The following KCNAB2 variants were observed in gnomAD, a reference collection of about 807,000 sequenced individuals.
KCNAB2 encodes the protein potassium voltage-gated channel subfamily A regulatory beta subunit 2.
Under a neutral mutation model 63.6 loss-of-function variants are expected in KCNAB2, and 29 were observed. That is an observed-to-expected ratio of 0.46 (90% confidence interval 0.34 to 0.62). The LOEUF is 0.62. Ranked by LOEUF, KCNAB2 falls within the 20% of genes least tolerant of loss-of-function variation. The pLI is 0.01. For synonymous variants in KCNAB2, 222 were observed against 224.2 expected (o/e 0.99, Z 0.09); for missense variants, 359 against 563.9 (o/e 0.64, Z 3.68).
chr1:6,001,050 G>T (rs146842003), intron 1 of KCNAB2, among the ~76,000 whole-genome samples: 2 of 152,302 alleles, frequency 1.3e-5, no homozygotes, highest in Admixed American at 6.5e-5. Context: ...GTCCAAAGGC[G>T]CAGAGACAGC....
chr1:6,020,070 G>A (rs118113516), intron 1 of KCNAB2, among the ~76,000 whole-genome samples: 325 of 152,246 alleles, frequency 2.1e-3, no homozygotes, highest in East Asian at 0.01. Context: ...TGCATCCCCC[G>A]GAGCCCTGTA....
At chr1:6,097,519 G>A (rs1235951562) in intron 15 of KCNAB2, 162 bp downstream of exon 15, 1 of 1,290,428 alleles carries the variant, frequency 7.7e-7, no homozygotes, top group Non-Finnish European at 1.1e-6. Flanking sequence ...CTTTCCAGCA[G>A]GAACAGACAT....
chr1:6,037,868 G>C lies in KCNAB2; in HGVS notation c.-52-2649G>C, dbSNP rs1426419713. 4.7e-5 allele frequency among the ~76,000 whole-genome samples: 7 copies of C among 149,656 alleles called. No individual in the cohort carries two copies. In the South Asian group the frequency reaches 8.6e-4, roughly 18 times the overall value. Reference sequence around the variant, plus strand: ...GATCCATCGTGCCTGGCCTGAATGAGGGTCTTTTTTTTTTTTTTTTTTTTG... The same window carrying C: ...GATCCATCGTGCCTGGCCTGAATGACGGTCTTTTTTTTTTTTTTTTTTTTG... On this transcript the variant is annotated intron_variant, in intron 1 of 15. Transcript: ENST00000164247.
upstream of KCNAB2, among the ~76,000 whole-genome samples, chr1:6,030,448 C>CGTGT (rs139805306): frequency 0.1 from 15,469 of 150,238 alleles, 1,030 homozygotes; most frequent in Non-Finnish European, 0.15. Context: ...ACCCCTCCAA[C>CGTGT]GTGTGTGTGT....
upstream of KCNAB2, among the ~76,000 whole-genome samples, chr1:6,043,453 A>G (rs1243512780): frequency 6.6e-6 from 1 of 152,176 alleles, no homozygotes; most frequent in East Asian, 1.9e-4. Context: ...CTTCATTTCC[A>G]GGTGGCCTTC....
intron 1 of KCNAB2, among the ~76,000 whole-genome samples, chr1:6,040,203 G>A (rs1334740841): frequency 2.0e-5 from 3 of 152,178 alleles, no homozygotes; most frequent in African/African-American, 4.8e-5. Flanking sequence ...CTACACCTAC[G>A]GTTTCAGAAC....
upstream of KCNAB2, chr1:6,041,867 T>A: frequency 6.2e-7 from 1 of 1,613,862 alleles, no homozygotes; most frequent in Non-Finnish European, 8.5e-7. Context: ...AGCTCCAGTT[T>A]TACAGGTAAT....
chr1:6,032,762 G>T (rs185275568), upstream of KCNAB2, among the ~76,000 whole-genome samples: 3 of 152,160 alleles, frequency 2.0e-5, no homozygotes, highest in African/African-American at 7.2e-5. Context: ...CTGCCTGGAC[G>T]CATGAAAAGG....
intron 1 of KCNAB2, among the ~76,000 whole-genome samples, chr1:6,005,898 C>T (rs1657646960): frequency 6.7e-6 from 1 of 148,478 alleles, no homozygotes; most frequent in African/African-American, 2.5e-5. Context: ...ATTCCACCCT[C>T]ACCCCTCAGC....
At chr1:6,048,986 G>A (rs1306212977) in intron 1 of KCNAB2, among the ~76,000 whole-genome samples, 1 of 152,240 alleles carries the variant, frequency 6.6e-6, no homozygotes, top group Non-Finnish European at 1.5e-5. Context: ...AAGGCAGACG[G>A]CTTTCCATGC....
rs747617701 is a variant in KCNAB2 at position 6,073,716 on chromosome 1, C to T, written c.263-17C>T. 1.2e-6 allele frequency: 2 copies of T among 1,614,090 alleles called. No homozygotes were observed. Among genetic ancestry groups the T allele is most frequent in the South Asian group, 2.2e-5 (2 of 91,086 alleles). Reference sequence around the variant, plus strand: ...TCCTGCCAGGTTCCTAACTTGAGCCCCTGTGTCTCCTTCCAGGAACATGGG... The same window carrying T: ...TCCTGCCAGGTTCCTAACTTGAGCCTCTGTGTCTCCTTCCAGGAACATGGG... On this transcript the variant is annotated splice_polypyrimidine_tract_variant and intron_variant, in intron 3 of 15. Transcript: ENST00000378083. This position sits in a 1 kb window ranked among gnomAD's most constrained non-coding sequence, Gnocchi z 5.7.
intron 4 of KCNAB2, 35 bp from the exon 5 acceptor site, chr1:6,082,160 C>T (rs779509734): frequency 1.2e-5 from 19 of 1,593,590 alleles, no homozygotes; most frequent in Admixed American, 3.3e-5. Flanking sequence ...GCCCCACCCC[C>T]GGCTGGCAGG....
intron 1 of KCNAB2, among the ~76,000 whole-genome samples, chr1:5,993,458 A>G (rs1478255293): frequency 6.6e-6 from 1 of 151,894 alleles, no homozygotes; most frequent in Non-Finnish European, 1.5e-5. Context: ...CCCTACTCCT[A>G]TCTTAAGCTT....
rs141224720 is a variant in KCNAB2, at chr1:5,993,877, G to T, written c.-53+1089G>T. Reference sequence around the variant, plus strand: ...AGCTGAAGGCAGGGGTCTTGACCCTGCGGTTAGCAGGGCCACCTTAGGAAC... The same window carrying T: ...AGCTGAAGGCAGGGGTCTTGACCCTTCGGTTAGCAGGGCCACCTTAGGAAC... On this transcript the variant is annotated intron_variant, in intron 1 of 16. Transcript: ENST00000341524. Among the ~76,000 whole-genome samples the T allele has an allele frequency of 5.3e-5, 8 of 152,308 alleles. No homozygotes were observed. The East Asian group carries it at 7.7e-4, about 15-fold the overall frequency.
At chr1:6,036,717 C>A (rs1660066996) in intron 1 of KCNAB2, among the ~76,000 whole-genome samples, 3 of 151,388 alleles carry the variant, frequency 2.0e-5, no homozygotes. Flanking sequence ...GCTTTGAGCA[C>A]AGATCGTGTC....
At chr1:6,016,253 C>T (rs1018323982) in intron 1 of KCNAB2, among the ~76,000 whole-genome samples, 1 of 152,208 alleles carries the variant, frequency 6.6e-6, no homozygotes, top group Non-Finnish European at 1.5e-5. Flanking sequence ...GACCACCCTG[C>T]TGGGCCACCC....
At chr1:6,098,273 A>C in intron 15 of KCNAB2, 3 of 1,373,388 alleles carry the variant, frequency 2.2e-6, no homozygotes, top group Non-Finnish European at 1.9e-6. Flanking sequence ...TTTGAGAGGG[A>C]GTGCACAGAC....
chr1:6,073,824 C>T lies in KCNAB2; in HGVS notation c.300+54C>T. The T allele has an allele frequency of 6.3e-7, 1 of 1,574,818 alleles. No homozygotes were observed. The highest frequency in any genetic ancestry group is 8.7e-7 in the Non-Finnish European group (1 of 1,144,720). ...AACCCAGCACGGGCTCGCCAGAGCA[C>T]ATGGTTAAGTCTGCCGCGTGGACCA... On this transcript the variant is annotated intron_variant, in intron 4 of 15. Coordinates refer to ENST00000378083, the MANE Select transcript of KCNAB2 (RefSeq NM_001199862.2). The surrounding 1 kb of genome is among the most constrained non-coding windows in gnomAD (Gnocchi z 5.7).
At chr1:6,072,944 AG>A (rs1220586749) in intron 3 of KCNAB2, 146 bp downstream of exon 3, 2 of 459,790 alleles carry the variant, frequency 4.3e-6, no homozygotes, top group African/African-American at 2.0e-5. Flanking sequence ...CCCAGGATTC[AG>A]GGGGGCTCGG....
Sources: allele counts gnomAD v4.1 joint callset (sites outside exome capture counted in the v4.1 genomes callset), GRCh38; gene constraint gnomAD v4.1.1; non-coding constraint Gnocchi (gnomAD v3.1); transcripts MANE v1.5; gene names NCBI Gene and HGNC (gene_info 2026-07-23, HGNC 2026-07-21).